The following RBFOX1 variants were observed in gnomAD, a reference collection of about 807,000 sequenced individuals.
The protein encoded by RBFOX1 is RNA binding fox-1 homolog 1.
RBFOX1 carries 8 observed loss-of-function variants against 57.7 expected under a neutral mutation model. That is an observed-to-expected ratio of 0.14 (90% CI 0.08 to 0.25). RBFOX1 has a LOEUF of 0.25. Among genes scored for constraint, RBFOX1 ranks in the 10% least tolerant of loss-of-function variants. RBFOX1 has a pLI of 1.00. For missense variants in RBFOX1, 611 were observed against 548.5 expected, an observed-to-expected ratio of 1.11 and a Z score of -1.14; for synonymous variants, 326 against 222.4, an observed-to-expected ratio of 1.47 and a Z score of -4.15.
intron 4 of RBFOX1, among the ~76,000 whole-genome samples, chr16:7,199,219 T>A (rs759625812): frequency 5.3e-5 from 8 of 152,162 alleles, no homozygotes; most frequent in Non-Finnish European, 1.2e-4. Context: ...GGGGACATTT[T>A]AAGGAGCTAA....
chr16:6,735,858 A>C (rs1220443120), intron 3 of RBFOX1, among the ~76,000 whole-genome samples: 2 of 152,138 alleles, frequency 1.3e-5, no homozygotes, highest in African/African-American at 4.8e-5. Flanking sequence ...CATAATTCAC[A>C]GGCCCTCCTT....
chr16:6,929,219 T>A (rs72772261), intron 3 of RBFOX1, among the ~76,000 whole-genome samples: 15,625 of 152,110 alleles, frequency 0.1, 929 homozygotes, highest in East Asian at 0.15. Context: ...TCTTAACTGC[T>A]TGGATCCTAC....
chr16:5,945,045 T>G (rs1260436567), intron 4 of RBFOX1, among the ~76,000 whole-genome samples: 1 of 148,604 alleles, frequency 6.7e-6, no homozygotes, highest in Non-Finnish European at 1.5e-5. Flanking sequence ...TTGCTGGGCT[T>G]CTTCTGGAGG....
chr16:7,186,612 A>AAACATATTTATATAAATATAAGCT (rs2083900216), intron 4 of RBFOX1, among the ~76,000 whole-genome samples: 3 of 141,964 alleles, frequency 2.1e-5, no homozygotes, highest in African/African-American at 8.1e-5. Flanking sequence ...AAATATAAGC[A>AAACATATTTATATAAATATAAGCT]TAAACATATT....
chr16:5,648,689 G>T (rs902781871), intron 3 of RBFOX1, among the ~76,000 whole-genome samples: 1 of 152,100 alleles, frequency 6.6e-6, no homozygotes, highest in African/African-American at 2.4e-5. Context: ...GCATTTAGAC[G>T]TGGGCAGGAC....
intron 3 of RBFOX1, among the ~76,000 whole-genome samples, chr16:6,784,152 G>C (rs2081508643): frequency 6.6e-6 from 1 of 151,844 alleles, no homozygotes; most frequent in Non-Finnish European, 1.5e-5. Context: ...TCTTGTACCT[G>C]GATATTCACT....
At chr16:7,074,547 GA>G (rs1031691827) in intron 4 of RBFOX1, among the ~76,000 whole-genome samples, 1 of 151,814 alleles carries the variant, frequency 6.6e-6, no homozygotes, top group African/African-American at 2.4e-5. Context: ...GAAAAATATT[GA>G]AAAAAATTGA....
chr16:6,990,952 A>C (rs989454328), intron 3 of RBFOX1, among the ~76,000 whole-genome samples: 1 of 152,082 alleles, frequency 6.6e-6, no homozygotes, highest in Non-Finnish European at 1.5e-5. Context: ...CACATTGTTC[A>C]TTGATTGCAT....
Position 7,211,867 on chromosome 16 carries a change from A to T in RBFOX1, c.27+159769A>T, listed in dbSNP as rs1479661434. On this transcript the variant is annotated intron_variant, in intron 4 of 15. Transcript: ENST00000550418. ...GTGGTTGCAGCGTTTCCTAATATAA[A>T]TGCAAGCAAAATAAAATTAGAAATG... Among the ~76,000 whole-genome samples, 3 of 152,112 alleles carry T rather than the reference A, an allele frequency of 2.0e-5. No homozygotes were observed. In the East Asian group the frequency reaches 5.8e-4, roughly 29 times the overall value.
chr16:6,493,618 C>T (rs1485562637), intron 2 of RBFOX1, among the ~76,000 whole-genome samples: 1 of 152,094 alleles, frequency 6.6e-6, no homozygotes, highest in East Asian at 1.9e-4. Flanking sequence ...TTTATGAAAA[C>T]ACTGCAGTAA....
At chr16:6,827,949 C>T (rs956459559) in intron 3 of RBFOX1, among the ~76,000 whole-genome samples, 1 of 152,186 alleles carries the variant, frequency 6.6e-6, no homozygotes, top group Admixed American at 6.5e-5. Context: ...CCTGTTGTTT[C>T]CACTAGACTC....
intron 1 of RBFOX1, among the ~76,000 whole-genome samples, chr16:5,241,117 G>C (rs184340424): frequency 1.3e-3 from 204 of 152,288 alleles, no homozygotes; most frequent in African/African-American, 4.7e-3. Flanking sequence ...AACCCATTTG[G>C]GCAGCACGGG....
At chr16:6,557,474 C>G (rs1414193034) in intron 2 of RBFOX1, among the ~76,000 whole-genome samples, 1 of 152,108 alleles carries the variant, frequency 6.6e-6, no homozygotes, top group African/African-American at 2.4e-5. Flanking sequence ...TGTCATCTGT[C>G]TTGTGATTTA....
chr16:6,264,767 T>C (rs1305760687), intron 1 of RBFOX1, among the ~76,000 whole-genome samples: 1 of 152,230 alleles, frequency 6.6e-6, no homozygotes, highest in East Asian at 1.9e-4. Flanking sequence ...CTATGTTGTC[T>C]TTTCTTAGCA....
At chr16:6,927,342 G>A (rs989636140) in intron 3 of RBFOX1, among the ~76,000 whole-genome samples, 6 of 145,364 alleles carry the variant, frequency 4.1e-5, no homozygotes, top group African/African-American at 1.6e-4. Context: ...GAACCCGGGA[G>A]GCAGAGGTTG....
intron 4 of RBFOX1, among the ~76,000 whole-genome samples, chr16:7,256,614 C>A (rs2094695957): frequency 6.6e-6 from 1 of 152,076 alleles, no homozygotes; most frequent in African/African-American, 2.4e-5. Context: ...TCTGGATGGC[C>A]ACAAACCAAA....
chr16:7,214,088 A>AT (rs376089806), intron 4 of RBFOX1, among the ~76,000 whole-genome samples: 27 of 150,320 alleles, frequency 1.8e-4, no homozygotes, highest in African/African-American at 6.1e-4. Context: ...AAAAAAAAAA[A>AT]TTTTTCCACT....
intron 1 of RBFOX1, among the ~76,000 whole-genome samples, chr16:5,376,216 A>G (rs1170113673): frequency 6.6e-6 from 1 of 151,726 alleles, no homozygotes; most frequent in Admixed American, 6.6e-5. Context: ...GTTCACAGCT[A>G]GTAAGGGCTG....
intron 1 of RBFOX1, among the ~76,000 whole-genome samples, chr16:5,343,426 T>C (rs1272141670): frequency 6.6e-6 from 1 of 150,972 alleles, no homozygotes; most frequent in Admixed American, 6.6e-5. Flanking sequence ...ACCATTCTCC[T>C]GCCTCAGCCT....
Sources: gnomAD v4.1 joint callset for allele counts (sites outside exome capture counted in the v4.1 genomes callset) on GRCh38, gnomAD v4.1.1 for gene constraint, MANE v1.5 for transcripts, NCBI Gene and HGNC (gene_info 2026-07-23, HGNC 2026-07-21) for gene names.